Variants in DIAPH2 observed in about 807,000 individuals in gnomAD.
DIAPH2 encodes diaphanous related formin 2.
DIAPH2 carries 35 observed loss-of-function variants against 92.7 expected under a neutral mutation model. The ratio of observed to expected loss-of-function variants is 0.38; its 90% CI spans 0.29 to 0.50. The LOEUF is 0.50. DIAPH2 is among the 20% of genes least tolerant of loss of function. The probability of loss-of-function intolerance (pLI) is 0.94; values close to 1 mark genes in which losing one functional copy is unlikely to be tolerated. For synonymous variants in DIAPH2, 301 were observed against 280.4 expected (o/e 1.07, Z -0.73); for missense variants, 701 against 819.5 (o/e 0.86, Z 1.77).
At chrX:97,269,754 T>A (rs1293904492) in intron 23 of DIAPH2, among the ~76,000 whole-genome samples, 5 of 106,788 alleles carry the variant, frequency 4.7e-5, no homozygotes, top group Admixed American at 1.0e-4. Flanking sequence ...TATTTTTATT[T>A]TTTTTTTTTT....
At chrX:97,439,569 C>CA (rs200327735) in intron 26 of DIAPH2, among the ~76,000 whole-genome samples, 276 of 86,046 alleles carry the variant, frequency 3.2e-3, no homozygotes, top group African/African-American at 8.8e-3. Flanking sequence ...GACTCCGTCT[C>CA]AAAAAAAAAA....
chrX:96,738,726 A>G lies in DIAPH2; in HGVS notation c.306A>G (p.Ser102=). 8.3e-7 allele frequency: 1 copy of G among 1,206,940 alleles called. No homozygotes were observed. The highest frequency in any genetic ancestry group is 1.1e-6 in the Non-Finnish European group (1 of 893,805). ...PLYDERSLNL[S]EKEVLDLFEK... ...ATGATGAACGATCTTTGAATTTGTC[A>G]GAAAAGGAAGTATTGGATCTCTTTG... The change falls in exon 3 of 27, where the codon TCA becomes TCG. Residue 102 remains serine (S), a synonymous_variant. Transcript: ENST00000324765.
chrX:96,723,467 C>T (rs981101725), intron 1 of DIAPH2, among the ~76,000 whole-genome samples: 1 of 111,661 alleles, frequency 9.0e-6, no homozygotes, highest in African/African-American at 3.3e-5. Context: ...AAGGAAAAAT[C>T]AAGTTTTTTA....
intron 24 of DIAPH2, among the ~76,000 whole-genome samples, chrX:97,351,052 T>C (rs1279002756): frequency 4.4e-5 from 5 of 112,428 alleles, no homozygotes; most frequent in African/African-American, 9.7e-5. Context: ...ATTGCTATCT[T>C]TGCCTTATAT....
intron 23 of DIAPH2, among the ~76,000 whole-genome samples, chrX:97,302,558 T>C (rs1199229560): frequency 9.0e-6 from 1 of 110,544 alleles, no homozygotes; most frequent in African/African-American, 3.3e-5. Context: ...AAAAATAAAA[T>C]AAAATAAAAT....
At chrX:97,042,957 C>T (rs1343230597) in intron 17 of DIAPH2, among the ~76,000 whole-genome samples, 1 of 111,755 alleles carries the variant, frequency 8.9e-6, no homozygotes, top group Non-Finnish European at 1.9e-5. Flanking sequence ...AATATGTAGA[C>T]ATGAATACCG....
chrX:97,191,766 T>G (rs2067655710), intron 22 of DIAPH2, among the ~76,000 whole-genome samples: 1 of 111,751 alleles, frequency 8.9e-6, no homozygotes, highest in East Asian at 2.8e-4. Context: ...CGTCAGTTTA[T>G]ACTTAAATCT....
chrX:96,722,467 T>C (rs2063995127), intron 1 of DIAPH2, among the ~76,000 whole-genome samples: 1 of 111,469 alleles, frequency 9.0e-6, no homozygotes, highest in Non-Finnish European at 1.9e-5. Context: ...TTTCCTTGAC[T>C]TGTTGCTGTC....
chrX:97,442,525 G>A (rs773023264), intron 26 of DIAPH2, among the ~76,000 whole-genome samples: 32 of 112,451 alleles, frequency 2.8e-4, no homozygotes, highest in Middle Eastern at 4.6e-3. Flanking sequence ...ATTCTAATTG[G>A]TGGCCTTGAT....
At position 97,604,702 on chromosome X, in the gene DIAPH2, T is replaced by G. The variant is rs1443127492; in HGVS notation, c.*5385T>G. ...ACCAAATGCCTTCTATGGTTCACAG[T>G]GCAGGCACAAAACTACCTCTGATAC... On this transcript the variant is annotated 3_prime_UTR_variant, in exon 27 of 27. Transcript: ENST00000324765. 2.7e-5 allele frequency: 3 copies of G among 112,425 alleles called. No homozygotes were observed. Among genetic ancestry groups the G allele is most frequent in the African/African-American group, 9.7e-5 (3 of 30,776 alleles). 9.3% of individuals were successfully genotyped at this position (112,425 alleles called of 1,213,427 possible).
chrX:96,980,326 C>T (rs2065987655), intron 17 of DIAPH2, among the ~76,000 whole-genome samples: 2 of 110,987 alleles, frequency 1.8e-5, no homozygotes, highest in Non-Finnish European at 3.8e-5. Context: ...CCCTGAAGTC[C>T]AGCTGTTTCC....
intron 23 of DIAPH2, among the ~76,000 whole-genome samples, chrX:97,343,667 T>C (rs2069131663): frequency 1.1e-5 from 1 of 88,402 alleles, no homozygotes; most frequent in Non-Finnish European, 2.2e-5. Flanking sequence ...AGACTCTGTC[T>C]CAAAAAAACA....
At chrX:96,787,038 GTC>G (rs1569395113) in intron 4 of DIAPH2, among the ~76,000 whole-genome samples, 1 of 111,599 alleles carries the variant, frequency 9.0e-6, no homozygotes. Flanking sequence ...GCTCTAGACA[GTC>G]TCCATTTTTT....
At chrX:97,247,669 G>T in intron 22 of DIAPH2, 46 bp from the exon 23 acceptor site, 2 of 1,117,948 alleles carry the variant, frequency 1.8e-6, no homozygotes, top group Non-Finnish European at 1.2e-6. Flanking sequence ...ATGTTTTGTG[G>T]AACACTTGGT....
intron 19 of DIAPH2, among the ~76,000 whole-genome samples, chrX:97,082,509 A>G (rs1257420377): frequency 1.8e-5 from 2 of 108,632 alleles, no homozygotes; most frequent in Non-Finnish European, 3.8e-5. Context: ...GCGCACGCCT[A>G]TAGTACCAGC....
intron 26 of DIAPH2, among the ~76,000 whole-genome samples, chrX:97,537,883 ATTC>A (rs1368111515): frequency 1.9e-5 from 2 of 104,466 alleles, no homozygotes; most frequent in African/African-American, 7.2e-5. Flanking sequence ...CTAAGACTAA[ATTC>A]TTTTTTTTTT....
chrX:96,855,417 TA>T (rs2147717569), intron 4 of DIAPH2, among the ~76,000 whole-genome samples: 1 of 110,924 alleles, frequency 9.0e-6, no homozygotes, highest in African/African-American at 3.3e-5. Context: ...CAATACGTAC[TA>T]AAAAAATGTT....
intron 17 of DIAPH2, among the ~76,000 whole-genome samples, chrX:97,013,412 A>G (rs1478416290): frequency 8.9e-6 from 1 of 111,818 alleles, no homozygotes; most frequent in African/African-American, 3.3e-5. Flanking sequence ...ACAGAAAGAA[A>G]AAGTGGGGGA....
intron 26 of DIAPH2, among the ~76,000 whole-genome samples, chrX:97,520,731 T>C (rs2070985010): frequency 8.9e-6 from 1 of 112,257 alleles, no homozygotes; most frequent in African/African-American, 3.2e-5. Flanking sequence ...GCATTAAATT[T>C]AGCTCTGAGC....
Sources: allele counts gnomAD v4.1 joint callset (sites outside exome capture counted in the v4.1 genomes callset), GRCh38; gene constraint gnomAD v4.1.1; transcripts MANE v1.5; gene names NCBI Gene and HGNC (gene_info 2026-07-23, HGNC 2026-07-21).